Variants in CNTNAP5 observed in about 807,000 individuals in gnomAD.
CNTNAP5 encodes the protein contactin associated protein family member 5, also known as contactin-associated protein-like 5.
Under a neutral mutation model 150.2 loss-of-function variants are expected in CNTNAP5, and 72 were observed. That is an observed-to-expected ratio of 0.48 (90% CI 0.40 to 0.58). The LOEUF is 0.58. Ranked by LOEUF, CNTNAP5 falls within the 20% of genes least tolerant of loss-of-function variation. The pLI is 0.00. For synonymous variants in CNTNAP5, 672 were observed against 619.8 expected (o/e 1.08, Z -1.25); for missense variants, 1,636 against 1,626.2 (o/e 1.01, Z -0.10).
chr2:124,835,030 A>C (rs1682800049), intron 19 of CNTNAP5, among the ~76,000 whole-genome samples: 1 of 151,988 alleles, frequency 6.6e-6, no homozygotes, highest in Non-Finnish European at 1.5e-5. Flanking sequence ...TAAATAAGAT[A>C]ATGTAAAGCA....
intron 11 of CNTNAP5, among the ~76,000 whole-genome samples, chr2:124,589,591 C>T (rs534795105): frequency 6.6e-6 from 1 of 152,248 alleles, no homozygotes; most frequent in Non-Finnish European, 1.5e-5. Context: ...TGTACCTTGA[C>T]ATAATTTATA....
chr2:124,397,056 G>A (rs1374445105), intron 3 of CNTNAP5, among the ~76,000 whole-genome samples: 2 of 152,184 alleles, frequency 1.3e-5, no homozygotes, highest in African/African-American at 4.8e-5. Flanking sequence ...AATGATGAAA[G>A]CTTTCAGGCA....
At chr2:124,507,868 G>C (rs1000693607) in intron 8 of CNTNAP5, among the ~76,000 whole-genome samples, 1 of 152,120 alleles carries the variant, frequency 6.6e-6, no homozygotes. Flanking sequence ...TCTCCAGAAG[G>C]CTGCCAAGGG....
At chr2:124,735,782 T>A (rs1680369406) in intron 13 of CNTNAP5, among the ~76,000 whole-genome samples, 1 of 152,202 alleles carries the variant, frequency 6.6e-6, no homozygotes, top group Admixed American at 6.5e-5. Context: ...TTAGCTACCA[T>A]TTTTTATCTG....
chr2:124,306,991 G>C (rs957960484), intron 3 of CNTNAP5, among the ~76,000 whole-genome samples: 4 of 152,018 alleles, frequency 2.6e-5, no homozygotes, highest in African/African-American at 9.7e-5. Flanking sequence ...GCCTTCCAAA[G>C]TGCTGGGATT....
At chr2:124,258,235 C>A (rs1687363651) in intron 3 of CNTNAP5, among the ~76,000 whole-genome samples, 1 of 152,086 alleles carries the variant, frequency 6.6e-6, no homozygotes, top group South Asian at 2.1e-4. Context: ...GAAGAGGGTG[C>A]AGTACCTCAT....
At chr2:124,273,819 ATAACTT>A (rs1687818128) in intron 3 of CNTNAP5, among the ~76,000 whole-genome samples, 2 of 152,130 alleles carry the variant, frequency 1.3e-5, no homozygotes, top group East Asian at 3.9e-4. Flanking sequence ...TCTCTTCCCT[ATAACTT>A]TATTTATAAC....
At chr2:124,727,132 G>A (rs2105122900) in intron 13 of CNTNAP5, among the ~76,000 whole-genome samples, 1 of 152,106 alleles carries the variant, frequency 6.6e-6, no homozygotes, top group Admixed American at 6.6e-5. Flanking sequence ...TCTTGCCAAA[G>A]GTAGTTGACT....
intron 19 of CNTNAP5, among the ~76,000 whole-genome samples, chr2:124,802,383 A>C (rs1205113431): frequency 6.6e-6 from 1 of 152,236 alleles, no homozygotes; most frequent in East Asian, 1.9e-4. Flanking sequence ...CTAGAGAATC[A>C]TTCTGGTTAA....
intron 1 of CNTNAP5, among the ~76,000 whole-genome samples, chr2:124,094,626 T>G (rs1407103768): frequency 6.6e-6 from 1 of 152,230 alleles, no homozygotes; most frequent in Non-Finnish European, 1.5e-5. Flanking sequence ...TTAATCAATA[T>G]ATACATAATA....
intron 3 of CNTNAP5, among the ~76,000 whole-genome samples, chr2:124,242,925 T>C (rs907821637): frequency 6.6e-6 from 1 of 152,188 alleles, no homozygotes; most frequent in African/African-American, 2.4e-5. Context: ...AATTGAAAAC[T>C]AAAACTACAA....
intron 1 of CNTNAP5, among the ~76,000 whole-genome samples, chr2:124,059,315 T>C (rs17010787): frequency 6.6e-6 from 1 of 152,216 alleles, no homozygotes; most frequent in African/African-American, 2.4e-5. Context: ...TTGGCAAAGA[T>C]ATCACATTTC....
chr2:124,521,565 G>A (rs1694846767), intron 8 of CNTNAP5, among the ~76,000 whole-genome samples: 1 of 152,094 alleles, frequency 6.6e-6, no homozygotes, highest in Admixed American at 6.6e-5. Context: ...ATGAATACAT[G>A]ATAGATACCT....
rs150817369 is a variant in CNTNAP5 at position 124,870,028 on chromosome 2, C to T, written c.3436+266C>T. Among the ~76,000 whole-genome samples the T allele has an allele frequency of 2.6e-3, 389 of 151,982 alleles. 5 individuals carry two copies. The highest frequency in any genetic ancestry group is 9.0e-3 in the African/African-American group (373 of 41,510). ...AATACTTAAATTTTTACTTAATTTT[C>T]AAATATATTTTTAAGTTTTACTTAA... On this transcript the variant is annotated intron_variant, in intron 21 of 23. Coordinates refer to ENST00000682447, the MANE Select transcript of CNTNAP5 (RefSeq NM_001367498.1).
chr2:124,161,634 T>C (rs534139032), intron 1 of CNTNAP5, among the ~76,000 whole-genome samples: 1 of 152,294 alleles, frequency 6.6e-6, no homozygotes, highest in Non-Finnish European at 1.5e-5. Context: ...CTCCTTGCTG[T>C]AAAGAGTCAT....
intron 19 of CNTNAP5, among the ~76,000 whole-genome samples, chr2:124,856,305 G>C (rs539237268): frequency 6.6e-6 from 1 of 152,298 alleles, no homozygotes; most frequent in Admixed American, 6.5e-5. Flanking sequence ...AAACATGCGT[G>C]TGCAAGTATC....
intron 5 of CNTNAP5, among the ~76,000 whole-genome samples, chr2:124,444,985 C>T (rs142434519): frequency 1.1e-4 from 17 of 152,086 alleles, no homozygotes; most frequent in African/African-American, 4.1e-4. Context: ...ACTAAGACCA[C>T]GAAGACCTTC....
chr2:124,824,542 A>G (rs1682554436), intron 19 of CNTNAP5, among the ~76,000 whole-genome samples: 1 of 152,138 alleles, frequency 6.6e-6, no homozygotes, highest in Non-Finnish European at 1.5e-5. Context: ...GGGAGGCTTC[A>G]CTCAGTAATG....
At chr2:124,550,800 G>T (rs1322535950) in intron 10 of CNTNAP5, among the ~76,000 whole-genome samples, 2 of 152,060 alleles carry the variant, frequency 1.3e-5, no homozygotes, top group African/African-American at 2.4e-5. Flanking sequence ...CTAATAGGGG[G>T]TTCTCTTCCT....
Sources: allele counts gnomAD v4.1 joint callset (sites outside exome capture counted in the v4.1 genomes callset), GRCh38; gene constraint gnomAD v4.1.1; transcripts MANE v1.5; gene names NCBI Gene and HGNC (gene_info 2026-07-23, HGNC 2026-07-21).